Variants in LRRK2 observed in about 807,000 individuals in gnomAD.
LRRK2 encodes leucine-rich repeat serine/threonine-protein kinase 2.
Under a neutral mutation model 302.6 loss-of-function variants are expected in LRRK2, and 203 were observed. The observed-to-expected ratio is 0.67, with a 90% CI of 0.60 to 0.75. The LOEUF (loss-of-function observed/expected upper bound fraction) is 0.75. Ranked by LOEUF, LRRK2 falls within the 30% of genes least tolerant of loss-of-function variation. The pLI is 0.00. For missense variants in LRRK2, 2,830 were observed against 2,951.0 expected (o/e 0.96, Z 0.95); for synonymous variants, 1,066 against 1,031.9 (o/e 1.03, Z -0.63).
intron 20 of LRRK2, among the ~76,000 whole-genome samples, chr12:40,292,845 A>G (rs2136702290): frequency 6.6e-6 from 1 of 151,944 alleles, no homozygotes; most frequent in Admixed American, 6.6e-5. Context: ...TTTCTTGTAA[A>G]TTTATTATTT....
intron 23 of LRRK2, among the ~76,000 whole-genome samples, chr12:40,296,454 A>C (rs1944388350): frequency 6.6e-6 from 1 of 152,010 alleles, no homozygotes; most frequent in South Asian, 2.1e-4. Flanking sequence ...GCATCAGCAA[A>C]ATCCTGTCTC....
chr12:40,307,469 G>C (rs11564180), intron 28 of LRRK2, among the ~76,000 whole-genome samples: 1 of 151,774 alleles, frequency 6.6e-6, no homozygotes, highest in Non-Finnish European at 1.5e-5. Flanking sequence ...TTTCATTCAG[G>C]TTTTACATTA....
Position 40,310,489 on chromosome 12 carries a change from A to G in LRRK2, c.4376A>G (p.Glu1459Gly), listed in dbSNP as rs1412042581. 2 of 1,613,192 alleles carry G rather than the reference A, an allele frequency of 1.2e-6. No individual in the cohort carries two copies. Among genetic ancestry groups the G allele is most frequent in the Admixed American group, 3.3e-5 (2 of 59,822 alleles). Residue 1459 changes from glutamate (E) to glycine (G), a missense_variant, in exon 31 of 51, where the codon GAG (glutamate) becomes GGG (glycine). This residue lies in a region of LRRK2 where 2,121 missense variants were observed against 2,148.0 expected (regional missense o/e 0.99). Transcript: ENST00000298910. ...GGCACACATTTGGATGTTTCTGATG[A>G]GAAGCAACGCAAAGCCTGCATGAGT... The part of the protein sequence containing the change: ...LVGTHLDVSD[E>G]KQRKACMSKI...
At chr12:40,276,266 C>T (rs929983318) in intron 16 of LRRK2, among the ~76,000 whole-genome samples, 22 of 152,046 alleles carry the variant, frequency 1.4e-4, no homozygotes, top group Non-Finnish European at 3.2e-4. Flanking sequence ...TAAATCTGGC[C>T]TGCCAACATA....
chr12:40,362,923 G>A (rs1323736148), intron 47 of LRRK2, among the ~76,000 whole-genome samples: 1 of 151,968 alleles, frequency 6.6e-6, no homozygotes, highest in Non-Finnish European at 1.5e-5. Flanking sequence ...GATATCCCTT[G>A]CTTTAAAATT....
intron 13 of LRRK2, among the ~76,000 whole-genome samples, chr12:40,261,394 T>A (rs1182938121): frequency 1.3e-5 from 2 of 152,180 alleles, no homozygotes; most frequent in African/African-American, 4.8e-5. Context: ...GTTCTTAAAC[T>A]GATCCTGAAG....
At chr12:40,234,369 CTTTTTTTTTTTTTTTTT>C (rs35906443) in intron 3 of LRRK2, among the ~76,000 whole-genome samples, 2 of 43,040 alleles carry the variant, frequency 4.6e-5, no homozygotes, top group African/African-American at 1.9e-4. Flanking sequence ...GCTAAATTCA[CTTTTTTTTTTTTTTTTT>C]TTTTTTTTTT....
intron 47 of LRRK2, among the ~76,000 whole-genome samples, chr12:40,362,453 C>T (rs368180625): frequency 1.3e-5 from 2 of 151,974 alleles, no homozygotes; most frequent in Non-Finnish European, 2.9e-5. Flanking sequence ...TTGATTATAT[C>T]AGAGGTGCTT....
chr12:40,298,100 GA>G (rs1944451368), intron 23 of LRRK2, 142 bp from the exon 24 acceptor site: 1 of 796,632 alleles, frequency 1.3e-6, no homozygotes, highest in Admixed American at 2.5e-5. Flanking sequence ...TTAGTATACT[GA>G]AATTCTGTTG....
rs890575 is a variant in LRRK2, at chr12:40,354,593, G to A, written c.6770+101G>A. ...CATCAGCAAAGATTGTTCATTTTTA[G>A]CCTATTTTCATTGGTTTGCATATAT... On this transcript the variant is annotated intron_variant, in intron 45 of 50. Transcript: ENST00000298910. 0.82 allele frequency: 916,151 copies of A among 1,119,328 alleles called. 378,796 individuals are homozygous for A. The highest frequency in any genetic ancestry group is 0.86 in the Non-Finnish European group (651,242 of 760,668). The allele number at this position is 1,119,328 out of a possible 1,614,324, so 69.3% of individuals were successfully genotyped here.
chr12:40,322,319 G>A lies in LRRK2; in HGVS notation c.5318G>A (p.Gly1773Asp). 2 of 1,613,544 alleles carry A rather than the reference G, an allele frequency of 1.2e-6. No individual in the cohort carries two copies. The highest frequency in any genetic ancestry group is 1.7e-6 in the Non-Finnish European group (2 of 1,179,602). The change falls in exon 37 of 51, where the codon GGC becomes GAC. Residue 1773 changes from glycine to aspartate, a missense_variant and splice_region_variant. Around this residue, in one of 3 missense-constraint regions of LRRK2, gnomAD observed 2,121 missense variants for 2,148.0 expected, o/e 0.99. Coordinates refer to ENST00000298910, the MANE Select transcript of LRRK2 (RefSeq NM_198578.4). ...LKITVPSCRK[G>D]CILLGQVVDH... ...TTGAGCTCTGTTTTGAATCATGTAG[G>A]CTGTATTCTTTTGGGCCAAGTTGTG...
chr12:40,339,848 C>T (rs1420309926), intron 40 of LRRK2, among the ~76,000 whole-genome samples: 1 of 152,140 alleles, frequency 6.6e-6, no homozygotes, highest in African/African-American at 2.4e-5. Context: ...AGCTAAACCT[C>T]TATGTGGTTT....
intron 11 of LRRK2, among the ~76,000 whole-genome samples, chr12:40,254,894 T>A (rs549338074): frequency 1.8e-4 from 27 of 152,298 alleles, no homozygotes; most frequent in African/African-American, 6.3e-4. Context: ...AGTAGCTCGT[T>A]CATCAACTTT....
In LRRK2 at chr12:40,310,428, C is replaced by T. The variant is rs200240986; in HGVS notation, c.4318-3C>T. ...CAAGAGGGTTTTGTGTCTTTCCCTC[C>T]AGGCTCGCGCTTCTTCTTCCCCTGT... On this transcript the variant is annotated splice_region_variant and splice_polypyrimidine_tract_variant and intron_variant, in intron 30 of 50. Transcript: ENST00000298910. 80 of 1,612,940 alleles carry T rather than the reference C, an allele frequency of 5.0e-5. No individual in the cohort carries two copies. Among genetic ancestry groups the T allele is most frequent in the Non-Finnish European group, 6.3e-5 (74 of 1,179,686 alleles).
At chr12:40,259,240 G>A (rs1469356830) in intron 12 of LRRK2, among the ~76,000 whole-genome samples, 2 of 152,120 alleles carry the variant, frequency 1.3e-5, no homozygotes, top group African/African-American at 4.8e-5. Flanking sequence ...TAGGTCAGAA[G>A]GATGTTGTTA....
chr12:40,364,853 TAAAAG>T lies in LRRK2; in HGVS notation c.7198_7202del (p.Glu2400GlnfsTer52). On this transcript the variant is annotated frameshift_variant, in exon 49 of 51. Coordinates refer to ENST00000298910, the MANE Select transcript of LRRK2 (RefSeq NM_198578.4). LOFTEE classifies it high-confidence loss of function. ...CTTTATGGTTCTAGGGAGGTAATGG[TAAAAG>T]AAAACAAGGAATCAAAACACAAAAT... The T allele has an allele frequency of 6.2e-7, 1 of 1,611,110 alleles. No homozygotes were observed. The highest frequency in any genetic ancestry group is 8.5e-7 in the Non-Finnish European group (1 of 1,178,058).
At chr12:40,307,522 A>G (rs1944866831) in intron 28 of LRRK2, among the ~76,000 whole-genome samples, 1 of 152,060 alleles carries the variant, frequency 6.6e-6, no homozygotes, top group South Asian at 2.1e-4. Flanking sequence ...ATAGTATAAT[A>G]GTTTATATTT....
intron 2 of LRRK2, among the ~76,000 whole-genome samples, chr12:40,229,721 T>C (rs746836144): frequency 7.2e-5 from 11 of 152,344 alleles, no homozygotes; most frequent in Non-Finnish European, 1.5e-4. Context: ...GGGAACCTTC[T>C]CTCTTAGAGA....
chr12:40,332,665 CA>C (rs1945745114), intron 39 of LRRK2, among the ~76,000 whole-genome samples: 1 of 152,060 alleles, frequency 6.6e-6, no homozygotes, highest in African/African-American at 2.4e-5. Flanking sequence ...TTAGTAACAA[CA>C]GTCACACTGT....
Sources: allele counts gnomAD v4.1 joint callset (sites outside exome capture counted in the v4.1 genomes callset), GRCh38; gene constraint gnomAD v4.1.1; regional missense constraint gnomAD v4.1.1; transcripts MANE v1.5; gene names NCBI Gene and HGNC (gene_info 2026-07-23, HGNC 2026-07-21).